Variants in STK3 observed in about 807,000 individuals in gnomAD.
The protein encoded by STK3 is serine/threonine-protein kinase 3.
A neutral mutation model predicts 58.0 loss-of-function variants in STK3; 41 were observed. That is an observed-to-expected ratio of 0.71 (90% CI 0.55 to 0.92). STK3 has a LOEUF of 0.92. Among genes scored for constraint, STK3 ranks in the 40% least tolerant of loss-of-function variants. STK3 has a pLI of 0.00. For synonymous variants in STK3, 170 were observed against 191.0 expected, an observed-to-expected ratio of 0.89 and a Z score of 0.91; for missense variants, 479 against 602.7, an observed-to-expected ratio of 0.79 and a Z score of 2.15.
chr8:98,609,619 T>C (rs1817028375), intron 6 of STK3, among the ~76,000 whole-genome samples: 1 of 152,110 alleles, frequency 6.6e-6, no homozygotes, highest in South Asian at 2.1e-4. Context: ...ATAAAGCTGA[T>C]GAACTAATTG....
At chr8:98,425,994 C>A (rs1363673433) in intron 3 of STK3, among the ~76,000 whole-genome samples, 1 of 152,152 alleles carries the variant, frequency 6.6e-6, no homozygotes, top group East Asian at 1.9e-4. Context: ...GGACTGGGTC[C>A]ATTTCTCAGC....
At chr8:98,598,443 A>T in intron 6 of STK3, 12 of 985,394 alleles carry the variant, frequency 1.2e-5, no homozygotes, top group Non-Finnish European at 1.3e-5. Flanking sequence ...TTAGCGTATG[A>T]TCTACACCAA....
chr8:98,412,534 G>A (rs1433410925), intron 3 of STK3, among the ~76,000 whole-genome samples: 2 of 152,308 alleles, frequency 1.3e-5, no homozygotes, highest in East Asian at 3.9e-4. Context: ...AGTAGCTGTT[G>A]TGCTCCCGGG....
intron 6 of STK3, among the ~76,000 whole-genome samples, chr8:98,617,533 T>C (rs1327195921): frequency 1.3e-5 from 2 of 150,788 alleles, no homozygotes; most frequent in South Asian, 2.1e-4. Flanking sequence ...AGCTGGTTTT[T>C]TGAAAGGATC....
rs191890463 is a variant in STK3, at chr8:98,590,349, G to A, written c.822+5683C>T. 3.9e-5 allele frequency among the ~76,000 whole-genome samples: 6 copies of A among 152,258 alleles called. No individual in the cohort carries two copies. The East Asian group carries it at 5.8e-4, about 15-fold the overall frequency. On this transcript the variant is annotated intron_variant, in intron 7 of 10. Transcript: ENST00000419617. ...CCACCGTAAGAGTTACCGAAAGCTC[G>A]GCGTCCGTGATGGGGTAGAGGGCTT...
intron 1 of STK3, among the ~76,000 whole-genome samples, chr8:98,775,225 C>G (rs1831597940): frequency 6.6e-6 from 1 of 152,054 alleles, no homozygotes; most frequent in South Asian, 2.1e-4. Flanking sequence ...CCAAAATGCT[C>G]CAAGATCTGA....
intron 6 of STK3, among the ~76,000 whole-genome samples, chr8:98,691,732 G>A (rs952121830): frequency 6.6e-6 from 1 of 152,086 alleles, no homozygotes; most frequent in Non-Finnish European, 1.5e-5. Context: ...AAGAGATCGA[G>A]ACCATCCTGG....
intron 3 of STK3, among the ~76,000 whole-genome samples, chr8:98,839,485 C>T (rs1206042050): frequency 6.6e-6 from 1 of 151,992 alleles, no homozygotes; most frequent in Non-Finnish European, 1.5e-5. Flanking sequence ...TTCTTTTTAC[C>T]AACATTTATT....
chr8:98,931,360 C>A (rs996541719), intron 1 of STK3, among the ~76,000 whole-genome samples: 4 of 152,164 alleles, frequency 2.6e-5, no homozygotes, highest in Non-Finnish European at 5.9e-5. Flanking sequence ...TGCAAGCACA[C>A]AGCTCATAAA....
chr8:98,868,401 C>T (rs369690857), intron 3 of STK3, among the ~76,000 whole-genome samples: 1 of 152,138 alleles, frequency 6.6e-6, no homozygotes, highest in Non-Finnish European at 1.5e-5. Flanking sequence ...GGGAGTTAAA[C>T]CCTCAGTGCA....
chr8:98,771,672 C>T (rs893442779), intron 2 of STK3, among the ~76,000 whole-genome samples: 1 of 152,120 alleles, frequency 6.6e-6, no homozygotes, highest in South Asian at 2.1e-4. Flanking sequence ...TCAAGCAATT[C>T]TCCTGTCTCA....
chr8:98,715,351 CA>C, intron 4 of STK3, among the ~76,000 whole-genome samples: 2 of 151,882 alleles, frequency 1.3e-5, no homozygotes, highest in African/African-American at 4.8e-5. Context: ...AGGCAACCTA[CA>C]GAATGGGAGA....
At chr8:98,601,322 A>G (rs141748198) in intron 6 of STK3, among the ~76,000 whole-genome samples, 113 of 152,304 alleles carry the variant, frequency 7.4e-4, no homozygotes, top group African/African-American at 2.6e-3. Flanking sequence ...AAATCCCAAT[A>G]CAATCAATTG....
chr8:98,671,065 T>C (rs749045410), intron 6 of STK3, among the ~76,000 whole-genome samples: 4 of 151,942 alleles, frequency 2.6e-5, no homozygotes, highest in Non-Finnish European at 5.9e-5. Context: ...CAACACTATT[T>C]AAATGTTAAA....
chr8:98,488,416 C>T (rs145128758), intron 10 of STK3, among the ~76,000 whole-genome samples: 1 of 152,158 alleles, frequency 6.6e-6, no homozygotes, highest in Non-Finnish European at 1.5e-5. Flanking sequence ...GACAATGGTA[C>T]AAGGACTATT....
At chr8:98,599,982 A>G (rs1246813216) in intron 6 of STK3, among the ~76,000 whole-genome samples, 1 of 152,194 alleles carries the variant, frequency 6.6e-6, no homozygotes, top group Non-Finnish European at 1.5e-5. Context: ...AAGAAAAAAA[A>G]TGTGAATCTA....
intron 3 of STK3, among the ~76,000 whole-genome samples, chr8:98,842,812 G>A (rs1587736980): frequency 6.6e-6 from 1 of 152,064 alleles, no homozygotes; most frequent in Admixed American, 6.5e-5. Flanking sequence ...ACCAGCCTGG[G>A]CAACATGGTG....
At chr8:98,893,494 A>AAGAAAG (rs1182634593) in intron 1 of STK3, among the ~76,000 whole-genome samples, 2 of 117,114 alleles carry the variant, frequency 1.7e-5, no homozygotes, top group South Asian at 3.1e-4. Flanking sequence ...AAGAGAAAGA[A>AAGAAAG]AGAAAGAAAG....
chr8:98,736,851 AATATGCAAATTATACATAGACAAT>A (rs1478641302), intron 4 of STK3, among the ~76,000 whole-genome samples: 1 of 152,206 alleles, frequency 6.6e-6, no homozygotes, highest in East Asian at 1.9e-4. Context: ...GTACAAATAG[AATATGCAAATTATACATAGACAAT>A]ATCCAGAAAG....
Sources: gnomAD v4.1 joint callset for allele counts (sites outside exome capture counted in the v4.1 genomes callset) on GRCh38, gnomAD v4.1.1 for gene constraint, MANE v1.5 for transcripts, NCBI Gene and HGNC (gene_info 2026-07-23, HGNC 2026-07-21) for gene names.